Variants in MLXIP observed in about 807,000 individuals in gnomAD.
The protein encoded by MLXIP is MLX-interacting protein.
In MLXIP, 30 loss-of-function variants were observed where a neutral mutation model predicts 87.2. The observed-to-expected ratio is 0.34, with a 90% CI of 0.26 to 0.47. The LOEUF is 0.47. MLXIP is among the 20% of genes least tolerant of loss of function. The pLI is 1.00. For synonymous variants in MLXIP, 530 were observed against 514.0 expected, an observed-to-expected ratio of 1.03 and a Z score of -0.42; for missense variants, 1,002 against 1,240.1, an observed-to-expected ratio of 0.81 and a Z score of 2.88.
At chr12:122,116,742 A>G (rs28737311) in intron 1 of MLXIP, among the ~76,000 whole-genome samples, 76,865 of 152,102 alleles carry the variant, frequency 0.51, 19,932 homozygotes, top group Middle Eastern at 0.64. Flanking sequence ...AGCATTGACC[A>G]CGTGCTGGGC....
intron 1 of MLXIP, among the ~76,000 whole-genome samples, chr12:122,107,440 G>A (rs1952538727): frequency 6.6e-6 from 1 of 152,076 alleles, no homozygotes; most frequent in Non-Finnish European, 1.5e-5. Context: ...GGTGAGGCTT[G>A]GCCACAGTGG....
intron 1 of MLXIP, among the ~76,000 whole-genome samples, chr12:122,082,466 ACCT>A (rs1952105765): frequency 6.6e-6 from 1 of 152,108 alleles, no homozygotes; most frequent in African/African-American, 2.4e-5. Context: ...AGCAGAGATA[ACCT>A]CTGGGAATGG....
intron 16 of MLXIP, 97 bp from the exon 17 acceptor site, chr12:122,141,594 C>G (rs1413011255): frequency 6.5e-7 from 1 of 1,541,650 alleles, no homozygotes; most frequent in Non-Finnish European, 8.8e-7. Flanking sequence ...TCGCCCCGTG[C>G]CTGAGCATTC....
chr12:122,122,880 A>T (rs1331986650), intron 1 of MLXIP, among the ~76,000 whole-genome samples: 1 of 144,594 alleles, frequency 6.9e-6, no homozygotes, highest in East Asian at 2.1e-4. Context: ...TTTTAAAGAG[A>T]CGAGGTCTTG....
intron 1 of MLXIP, among the ~76,000 whole-genome samples, chr12:122,111,571 T>C (rs927124374): frequency 3.3e-5 from 5 of 152,224 alleles, no homozygotes. Context: ...TGCCTGTGGC[T>C]TAGCCGTTTG....
chr12:122,092,153 A>G (rs893108747), intron 1 of MLXIP, among the ~76,000 whole-genome samples: 37 of 149,456 alleles, frequency 2.5e-4, no homozygotes, highest in African/African-American at 8.9e-4. Flanking sequence ...ACTGGAGTGC[A>G]GTGGCGCGAT....
chr12:122,105,632 C>G (rs552111045), intron 1 of MLXIP, among the ~76,000 whole-genome samples: 1 of 152,082 alleles, frequency 6.6e-6, no homozygotes, highest in African/African-American at 2.4e-5. Flanking sequence ...CCACCGCGCT[C>G]GGCTGATTTT....
chr12:122,137,675 G>A lies in MLXIP; in HGVS notation c.2154+85G>A, dbSNP rs114049635. ...GGATCTGTGTCTTGTCTGGAACGGA[G>A]ACCTCAGACCCAGCCAGAGCTGCCC... On this transcript the variant is annotated intron_variant, in intron 12 of 16. Transcript: ENST00000319080. This position sits in a 1 kb window ranked among gnomAD's most constrained non-coding sequence, Gnocchi z 4.1. 1.0e-3 allele frequency: 1,604 copies of A among 1,560,792 alleles called. 17 individuals carry two copies. In the African/African-American group the frequency reaches 0.019, roughly 18 times the overall value.
In MLXIP at chr12:122,103,181, ATG is replaced by A. The variant is rs1296690823; in HGVS notation, c.413+23917_413+23918del. Reference sequence around the variant, plus strand: ...ACCATGCCTGGCTAATTTTATATGTATGTATGTATGTATGTATGTATTTATTT... The same window carrying A: ...ACCATGCCTGGCTAATTTTATATGTATATGTATGTATGTATGTATTTATTT... On this transcript the variant is annotated intron_variant, in intron 1 of 16. Transcript: ENST00000319080. 2.0e-4 allele frequency among the ~76,000 whole-genome samples: 10 copies of A among 50,582 alleles called. No homozygotes were observed. The East Asian group carries it at 4.7e-3, about 24-fold the overall frequency. 33.2% of individuals were successfully genotyped at this position (50,582 alleles called of 152,430 possible).
At chr12:122,112,482 T>C (rs1359718102) in intron 1 of MLXIP, among the ~76,000 whole-genome samples, 1 of 151,344 alleles carries the variant, frequency 6.6e-6, no homozygotes. Flanking sequence ...ACTAAAAATA[T>C]ATATATAAAA....
Position 122,133,328 on chromosome 12 carries a change from C to G in MLXIP, c.1093-20C>G. 6.5e-7 allele frequency: 1 copy of G among 1,536,084 alleles called. No homozygotes were observed. The highest frequency in any genetic ancestry group is 8.8e-7 in the Non-Finnish European group (1 of 1,140,608). Reference sequence around the variant, plus strand: ...GTCTGACCCCAGCATTGCTTCCTGGCTCCTTTCTTCCTTTTTCAGGAGAGC... The same window carrying G: ...GTCTGACCCCAGCATTGCTTCCTGGGTCCTTTCTTCCTTTTTCAGGAGAGC... On this transcript the variant is annotated intron_variant, in intron 8 of 16. Transcript: ENST00000319080. This position sits in a 1 kb window ranked among gnomAD's most constrained non-coding sequence, Gnocchi z 4.9.
chr12:122,112,303 C>T (rs1952616456), intron 1 of MLXIP, among the ~76,000 whole-genome samples: 1 of 152,252 alleles, frequency 6.6e-6, no homozygotes, highest in Admixed American at 6.5e-5. Flanking sequence ...TTGATTTTCT[C>T]CCCAGATGAA....
chr12:122,140,098 A>T (rs1953170617), intron 15 of MLXIP, among the ~76,000 whole-genome samples: 1 of 152,178 alleles, frequency 6.6e-6, no homozygotes, highest in African/African-American at 2.4e-5. Context: ...TCTGGAATGA[A>T]TCAGAGCTTC....
chr12:122,141,843 G>A lies in MLXIP; in HGVS notation c.*31G>A. 1 of 1,610,638 alleles carries A rather than the reference G, an allele frequency of 6.2e-7. No homozygotes were observed. Among genetic ancestry groups the A allele is most frequent in the South Asian group, 1.1e-5 (1 of 90,914 alleles). ...TAGCTGGCATGTGGCCGCATGAGATGCCAGGAGACCCTTCCCTGCCCATGG... is the reference window on the plus strand; with the variant it reads ...TAGCTGGCATGTGGCCGCATGAGATACCAGGAGACCCTTCCCTGCCCATGG... On this transcript the variant is annotated 3_prime_UTR_variant, in exon 17 of 17. Transcript: ENST00000319080.
chr12:122,099,937 C>A (rs1239750068), intron 1 of MLXIP, among the ~76,000 whole-genome samples: 1 of 152,198 alleles, frequency 6.6e-6, no homozygotes, highest in Non-Finnish European at 1.5e-5. Flanking sequence ...CGTTTCTCTG[C>A]ATTTGAATCA....
At chr12:122,123,636 C>A (rs748680723) in intron 1 of MLXIP, among the ~76,000 whole-genome samples, 1 of 152,212 alleles carries the variant, frequency 6.6e-6, no homozygotes, top group East Asian at 1.9e-4. Flanking sequence ...TGGTATGACA[C>A]CCTCTGCCCT....
intron 1 of MLXIP, among the ~76,000 whole-genome samples, chr12:122,089,065 C>G (rs1466338166): frequency 6.6e-6 from 1 of 151,556 alleles, no homozygotes; most frequent in Non-Finnish European, 1.5e-5. Context: ...GTCTGTAATC[C>G]CAGCTGCTGG....
In MLXIP at chr12:122,078,872, A is replaced by G; in HGVS notation, c.19A>G (p.Met7Val). 1 of 1,120,198 alleles carries G rather than the reference A, an allele frequency of 8.9e-7. No individual in the cohort carries two copies. Among genetic ancestry groups the G allele is most frequent in the Non-Finnish European group, 1.1e-6 (1 of 914,672 alleles). The allele number at this position is 1,120,198 out of a possible 1,614,324, so 69.4% of individuals were successfully genotyped here. ...CCTTCTCATGGCCGCCGACGTCTTC[A>G]TGTGCTCCCCGCGCCGGCCTCGCAG... Reference protein sequence around the residue: MAADVFMCSPRRPRSRG... With the variant: MAADVFVCSPRRPRSRG... Residue 7 changes from methionine (M) to valine (V), a missense_variant, in exon 1 of 17, where the codon ATG (methionine) becomes GTG (valine). Transcript: ENST00000319080.
At chr12:122,108,559 T>C (rs1015083954) in intron 1 of MLXIP, among the ~76,000 whole-genome samples, 7 of 151,976 alleles carry the variant, frequency 4.6e-5, no homozygotes, top group Non-Finnish European at 1.0e-4. Context: ...TTGTTCATAA[T>C]TACTCTCTCC....
Sources: gnomAD v4.1 joint callset for allele counts (sites outside exome capture counted in the v4.1 genomes callset) on GRCh38, gnomAD v4.1.1 for gene constraint, Gnocchi (gnomAD v3.1) non-coding constraint, MANE v1.5 for transcripts, NCBI Gene and HGNC (gene_info 2026-07-23, HGNC 2026-07-21) for gene names.